NEDD9: variants seen among roughly 807,000 people sequenced by gnomAD.
The protein encoded by NEDD9 is neural precursor cell expressed, developmentally down-regulated 9.
NEDD9 carries 26 observed loss-of-function variants against 76.6 expected under a neutral mutation model. That is an observed-to-expected ratio of 0.34 (90% CI 0.25 to 0.47). The LOEUF (loss-of-function observed/expected upper bound fraction) is 0.47. Among genes scored for constraint, NEDD9 ranks in the 20% least tolerant of loss-of-function variants. The probability of loss-of-function intolerance (pLI) is 1.00; values close to 1 mark genes in which losing one functional copy is unlikely to be tolerated. For missense variants in NEDD9, 937 were observed against 1,058.5 expected (o/e 0.89, Z 1.59); for synonymous variants, 392 against 414.2 (o/e 0.95, Z 0.65).
chr6:11,305,171 A>G, intron 3 of NEDD9: 1 of 1,280,936 alleles, frequency 7.8e-7, no homozygotes, highest in Non-Finnish European at 1.0e-6. Flanking sequence ...TGAGATACAG[A>G]AAACAGTTGA....
intron 3 of NEDD9, among the ~76,000 whole-genome samples, chr6:11,238,637 C>T (rs1274346158): frequency 3.3e-5 from 5 of 152,288 alleles, no homozygotes; most frequent in South Asian, 2.1e-4. Context: ...TCGTGCCTCC[C>T]GCTTGTACCC....
chr6:11,341,023 C>T (rs116197425), intron 1 of NEDD9, among the ~76,000 whole-genome samples: 227 of 152,292 alleles, frequency 1.5e-3, no homozygotes, highest in African/African-American at 5.2e-3. Context: ...TTCTGCCTCC[C>T]ACCCTTTCCA....
intron 3 of NEDD9, among the ~76,000 whole-genome samples, chr6:11,247,719 CGA>C (rs765030159): frequency 1.3e-5 from 2 of 152,080 alleles, no homozygotes; most frequent in Non-Finnish European, 2.9e-5. Context: ...AACACAAACA[CGA>C]GATTGGCTAT....
chr6:11,239,502 T>A (rs1561802913), intron 3 of NEDD9, among the ~76,000 whole-genome samples: 1 of 152,186 alleles, frequency 6.6e-6, no homozygotes, highest in Non-Finnish European at 1.5e-5. Context: ...GCAATAAACC[T>A]CTTTTATCTG....
At chr6:11,202,193 T>A (rs973946471) in intron 2 of NEDD9, among the ~76,000 whole-genome samples, 1 of 152,228 alleles carries the variant, frequency 6.6e-6, no homozygotes, top group Non-Finnish European at 1.5e-5. Context: ...TTGGCATATG[T>A]GGGAAGTAAA....
At chr6:11,298,389 C>T (rs1382878514) in intron 3 of NEDD9, among the ~76,000 whole-genome samples, 1 of 152,082 alleles carries the variant, frequency 6.6e-6, no homozygotes, top group African/African-American at 2.4e-5. Flanking sequence ...CTCAAAGGCC[C>T]TTTTGACTCA....
chr6:11,210,330 G>A (rs530715485), intron 2 of NEDD9, among the ~76,000 whole-genome samples: 4 of 152,130 alleles, frequency 2.6e-5, no homozygotes, highest in South Asian at 4.2e-4. Context: ...ACCCCACCCC[G>A]GTGGCTCAGA....
At chr6:11,191,356 T>G (rs1270132275) in intron 4 of NEDD9, 151 bp from the exon 5 acceptor site, 2 of 815,474 alleles carry the variant, frequency 2.5e-6, no homozygotes, top group Non-Finnish European at 3.7e-6. Context: ...GTTATTCTGC[T>G]GTCACTTCCC....
intron 2 of NEDD9, among the ~76,000 whole-genome samples, chr6:11,310,049 A>G (rs1385897432): frequency 6.6e-6 from 1 of 152,144 alleles, no homozygotes; most frequent in Non-Finnish European, 1.5e-5. Flanking sequence ...TCATCCTTTC[A>G]CAGGGGTGTG....
At chr6:11,300,859 G>A (rs1761029097) in intron 3 of NEDD9, among the ~76,000 whole-genome samples, 1 of 152,194 alleles carries the variant, frequency 6.6e-6, no homozygotes, top group African/African-American at 2.4e-5. Flanking sequence ...AAGAGCTCCT[G>A]AAGGAAGCAC....
chr6:11,283,606 G>A (rs559552727), intron 3 of NEDD9, among the ~76,000 whole-genome samples: 2 of 152,220 alleles, frequency 1.3e-5, no homozygotes, highest in Admixed American at 6.5e-5. Flanking sequence ...AATGACCATG[G>A]CAAACTCTTC....
At chr6:11,250,150 C>T (rs1021870104) in intron 3 of NEDD9, among the ~76,000 whole-genome samples, 2 of 152,184 alleles carry the variant, frequency 1.3e-5, no homozygotes, top group Admixed American at 6.5e-5. Context: ...GGGAGAGAGA[C>T]GTTGAGACTA....
chr6:11,229,035 G>A (rs766230724), intron 1 of NEDD9, among the ~76,000 whole-genome samples: 2 of 152,190 alleles, frequency 1.3e-5, no homozygotes, highest in Non-Finnish European at 2.9e-5. Flanking sequence ...AAGATCCTCT[G>A]TCATTATTTT....
chr6:11,254,995 T>G (rs1759975456), intron 3 of NEDD9, among the ~76,000 whole-genome samples: 1 of 152,036 alleles, frequency 6.6e-6, no homozygotes, highest in Non-Finnish European at 1.5e-5. Flanking sequence ...TCTCAAGGAG[T>G]TCAGAGCCCC....
intron 3 of NEDD9, among the ~76,000 whole-genome samples, chr6:11,279,207 C>T (rs946693913): frequency 3.9e-5 from 6 of 152,120 alleles, no homozygotes; most frequent in African/African-American, 1.4e-4. Context: ...ATGATATTTC[C>T]AGCTGATCTG....
At chr6:11,316,659 G>A (rs939596943) in intron 2 of NEDD9, among the ~76,000 whole-genome samples, 1 of 152,188 alleles carries the variant, frequency 6.6e-6, no homozygotes, top group Non-Finnish European at 1.5e-5. Flanking sequence ...CATTGAAGGG[G>A]CAGTTGAAAT....
chr6:11,351,597 TC>T (rs1420490046), intron 1 of NEDD9, among the ~76,000 whole-genome samples: 1 of 152,096 alleles, frequency 6.6e-6, no homozygotes, highest in Non-Finnish European at 1.5e-5. Context: ...GAAAGGAACA[TC>T]CTTTTTCTGA....
At chr6:11,278,921 G>C (rs1760472688) in intron 3 of NEDD9, among the ~76,000 whole-genome samples, 1 of 147,236 alleles carries the variant, frequency 6.8e-6, no homozygotes, top group Non-Finnish European at 1.5e-5. Context: ...AGGATAAAGA[G>C]TTAAAAAAAA....
At chr6:11,226,207 C>T (rs571570870) in intron 1 of NEDD9, among the ~76,000 whole-genome samples, 1 of 152,202 alleles carries the variant, frequency 6.6e-6, no homozygotes, top group Admixed American at 6.5e-5. Context: ...CTGGAATGTT[C>T]AAAGTAAATA....
Sources: gnomAD v4.1 joint callset for allele counts (sites outside exome capture counted in the v4.1 genomes callset) on GRCh38, gnomAD v4.1.1 for gene constraint, MANE v1.5 for transcripts, NCBI Gene and HGNC (gene_info 2026-07-23, HGNC 2026-07-21) for gene names.